The following RANBP2 variants were observed in gnomAD, a reference collection of about 807,000 sequenced individuals.
RANBP2 encodes the protein E3 SUMO-protein ligase RanBP2.
In RANBP2, 57 loss-of-function variants were observed where a neutral mutation model predicts 303.6. That is an observed-to-expected ratio of 0.19 (90% confidence interval 0.15 to 0.23). The LOEUF is 0.23. Among genes scored for constraint, RANBP2 ranks in the 10% least tolerant of loss-of-function variants. RANBP2 has a pLI of 1.00. For synonymous variants in RANBP2, 1,167 were observed against 1,301.5 expected, an observed-to-expected ratio of 0.90 and a Z score of 2.23; for missense variants, 3,138 against 3,780.8, an observed-to-expected ratio of 0.83 and a Z score of 4.46.
the RANBP2 span, among the ~76,000 whole-genome samples, chr2:109,162,550 A>G: frequency 5.3e-5 from 8 of 152,246 alleles, no homozygotes; most frequent in East Asian, 5.8e-4. Flanking sequence ...TACAAAGGAC[A>G]TGAACTCATC....
At chr2:108,856,862 T>G in the RANBP2 span, 1 of 1,612,618 alleles carries the variant, frequency 6.2e-7, no homozygotes, top group Non-Finnish European at 8.5e-7. Flanking sequence ...AAAAACCTTG[T>G]TTTTGGAGTA....
chr2:109,078,708 C>A, the RANBP2 span, among the ~76,000 whole-genome samples: 5 of 149,768 alleles, frequency 3.3e-5, no homozygotes, highest in East Asian at 9.8e-4. Context: ...GTGGGCCGGG[C>A]GCGTTGGTGC....
the RANBP2 span, among the ~76,000 whole-genome samples, chr2:109,463,869 T>A: frequency 6.6e-6 from 1 of 152,168 alleles, no homozygotes; most frequent in African/African-American, 2.4e-5. Context: ...TCAGCTGGGC[T>A]TTGAGGACTC....
the RANBP2 span, among the ~76,000 whole-genome samples, chr2:109,229,487 G>A: frequency 2.6e-3 from 402 of 152,244 alleles, 2 homozygotes; most frequent in African/African-American, 9.3e-3. Flanking sequence ...ACTGGTCCTG[G>A]GGTGGTCACG....
At chr2:109,467,277 A>T in the RANBP2 span, among the ~76,000 whole-genome samples, 1 of 152,268 alleles carries the variant, frequency 6.6e-6, no homozygotes, top group Non-Finnish European at 1.5e-5. Flanking sequence ...ACAGTGGCTC[A>T]ACCCTGCAAA....
the RANBP2 span, among the ~76,000 whole-genome samples, chr2:109,471,078 G>T: frequency 6.6e-6 from 1 of 151,966 alleles, no homozygotes; most frequent in Non-Finnish European, 1.5e-5. Context: ...AAATTAGTTG[G>T]GTGTGTTGGC....
At chr2:109,085,049 A>G in the RANBP2 span, among the ~76,000 whole-genome samples, 1 of 152,112 alleles carries the variant, frequency 6.6e-6, no homozygotes, top group South Asian at 2.1e-4. Flanking sequence ...ATCTGCCTGT[A>G]TTGCTGAACA....
the RANBP2 span, among the ~76,000 whole-genome samples, chr2:108,935,968 C>A: frequency 6.6e-6 from 1 of 152,222 alleles, no homozygotes; most frequent in Non-Finnish European, 1.5e-5. Context: ...CTATACTTGT[C>A]ATCACGGCTG....
At chr2:109,487,513 G>A in the RANBP2 span, among the ~76,000 whole-genome samples, 15 of 152,218 alleles carry the variant, frequency 9.9e-5, no homozygotes, top group East Asian at 1.9e-4. Flanking sequence ...TGACATCAGC[G>A]TTTTTCCAAG....
intron 1 of RANBP2, among the ~76,000 whole-genome samples, chr2:108,727,113 A>C (rs1382875987): frequency 6.6e-6 from 1 of 152,022 alleles, no homozygotes; most frequent in Admixed American, 6.6e-5. Context: ...CAAAACCGCC[A>C]TTGTCATCAT....
At chr2:108,888,543 G>A in the RANBP2 span, among the ~76,000 whole-genome samples, 2 of 151,736 alleles carry the variant, frequency 1.3e-5, no homozygotes, top group African/African-American at 4.8e-5. Context: ...AATCTTGGTA[G>A]GTTTTATGTT....
the RANBP2 span, chr2:109,614,571 CG>C: frequency 7.3e-7 from 1 of 1,375,224 alleles, no homozygotes; most frequent in Non-Finnish European, 9.4e-7. Flanking sequence ...GCGCGGGGGC[CG>C]GGCCCTGCAC....
the RANBP2 span, among the ~76,000 whole-genome samples, chr2:109,383,472 C>A: frequency 6.6e-6 from 1 of 152,204 alleles, no homozygotes; most frequent in Non-Finnish European, 1.5e-5. Context: ...TGGAATCATT[C>A]TTCTCTTGTC....
the RANBP2 span, among the ~76,000 whole-genome samples, chr2:109,199,293 G>A: frequency 6.5e-4 from 1 of 1,540 alleles, no homozygotes; most frequent in African/African-American, 0.011. Context: ...CTGCACTCCA[G>A]CCTGGGTGAC....
the RANBP2 span, among the ~76,000 whole-genome samples, chr2:109,708,053 T>C: frequency 5.3e-5 from 8 of 152,296 alleles, no homozygotes; most frequent in African/African-American, 1.4e-4. Flanking sequence ...AGTTTTCCTT[T>C]GTACCTCTAA....
the RANBP2 span, chr2:109,128,914 A>G: frequency 2.8e-6 from 1 of 360,272 alleles, no homozygotes; most frequent in Admixed American, 3.3e-5. Flanking sequence ...AGCGAAGGGA[A>G]GTCCTGCAGG....
chr2:109,710,684 G>C, the RANBP2 span, among the ~76,000 whole-genome samples: 1 of 152,174 alleles, frequency 6.6e-6, no homozygotes, highest in Non-Finnish European at 1.5e-5. Context: ...GGTGCATCTG[G>C]TGAGTTCTAC....
At chr2:109,591,929 C>G in the RANBP2 span, among the ~76,000 whole-genome samples, 1 of 152,012 alleles carries the variant, frequency 6.6e-6, no homozygotes, top group Non-Finnish European at 1.5e-5. Context: ...AAACAACTTA[C>G]TGAATTACCT....
At chr2:109,505,590 T>G in the RANBP2 span, among the ~76,000 whole-genome samples, 1 of 152,192 alleles carries the variant, frequency 6.6e-6, no homozygotes, top group East Asian at 1.9e-4. Flanking sequence ...GCTGCAGGCC[T>G]GGCACTGTGG....
Sources: allele counts gnomAD v4.1 joint callset (sites outside exome capture counted in the v4.1 genomes callset), GRCh38; gene constraint gnomAD v4.1.1; transcripts MANE v1.5; gene names NCBI Gene and HGNC (gene_info 2026-07-23, HGNC 2026-07-21).